Variants in ESRRG observed in about 807,000 individuals in gnomAD.
ESRRG encodes estrogen-related receptor gamma.
A neutral mutation model predicts 44.0 loss-of-function variants in ESRRG; 13 were observed. That is an observed-to-expected ratio of 0.30 (90% CI 0.19 to 0.47). ESRRG has a LOEUF of 0.47. Among genes scored for constraint, ESRRG ranks in the 20% least tolerant of loss-of-function variants. The probability of loss-of-function intolerance (pLI) is 1.00; values close to 1 mark genes in which losing one functional copy is unlikely to be tolerated. For missense variants in ESRRG, 395 were observed against 580.6 expected (o/e 0.68, Z 3.29); for synonymous variants, 215 against 214.6 (o/e 1.00, Z -0.02).
chr1:216,707,960 G>A (rs1226171338), intron 1 of ESRRG, among the ~76,000 whole-genome samples: 1 of 151,988 alleles, frequency 6.6e-6, no homozygotes, highest in Admixed American at 6.6e-5. Context: ...CATAATGGAG[G>A]ATACTTAAAA....
intron 1 of ESRRG, among the ~76,000 whole-genome samples, chr1:216,947,780 T>C (rs572273389): frequency 6.6e-6 from 1 of 152,310 alleles, no homozygotes; most frequent in South Asian, 2.1e-4. Context: ...TAACCAGCAG[T>C]TCCTCTTGCT....
chr1:217,065,005 C>T (rs541963871), intron 1 of ESRRG, among the ~76,000 whole-genome samples: 2 of 152,210 alleles, frequency 1.3e-5, no homozygotes, highest in Non-Finnish European at 2.9e-5. Flanking sequence ...GTGAGAATGC[C>T]ACATTTTCCT....
intron 3 of ESRRG, among the ~76,000 whole-genome samples, chr1:216,601,265 C>T (rs2059204510): frequency 6.6e-6 from 1 of 152,048 alleles, no homozygotes; most frequent in African/African-American, 2.4e-5. Flanking sequence ...GCGCCCACCC[C>T]TGGGCCTCCC....
chr1:216,623,898 T>C (rs747592739), intron 3 of ESRRG, among the ~76,000 whole-genome samples: 4 of 151,938 alleles, frequency 2.6e-5, no homozygotes, highest in Non-Finnish European at 5.9e-5. Flanking sequence ...AGAGCAGATA[T>C]TGATTGCACT....
intron 2 of ESRRG, among the ~76,000 whole-genome samples, chr1:216,765,862 C>CGACATGCT (rs1481258231): frequency 2.0e-5 from 3 of 152,068 alleles, no homozygotes; most frequent in Non-Finnish European, 4.4e-5. Flanking sequence ...TAGCTGAACT[C>CGACATGCT]GACATGCTGA....
intron 2 of ESRRG, chr1:216,862,334 C>G (rs1242742479): frequency 1.3e-5 from 2 of 151,688 alleles, no homozygotes; most frequent in Non-Finnish European, 2.9e-5. Context: ...AAGTGATTCT[C>G]CTACCTCAGC....
intron 1 of ESRRG, among the ~76,000 whole-genome samples, chr1:217,097,079 G>A (rs578236336): frequency 3.9e-5 from 6 of 152,248 alleles, no homozygotes; most frequent in African/African-American, 7.2e-5. Context: ...GCTGGGTGTC[G>A]TGATGTGCAC....
At chr1:217,012,076 G>T (rs574198730) in intron 1 of ESRRG, among the ~76,000 whole-genome samples, 3 of 152,084 alleles carry the variant, frequency 2.0e-5, no homozygotes, top group African/African-American at 7.2e-5. Context: ...AAATATAAAT[G>T]TAAAGTAATA....
At chr1:216,660,269 C>T (rs1043524053) in intron 2 of ESRRG, among the ~76,000 whole-genome samples, 2 of 152,132 alleles carry the variant, frequency 1.3e-5, no homozygotes, top group African/African-American at 2.4e-5. Flanking sequence ...ACTGAGATAT[C>T]CCAACATCCA....
intron 1 of ESRRG, among the ~76,000 whole-genome samples, chr1:216,993,473 C>T (rs910739373): frequency 6.6e-6 from 1 of 152,106 alleles, no homozygotes; most frequent in African/African-American, 2.4e-5. Context: ...AAAGTTATAT[C>T]ATTTGGAGTT....
rs11810977 is a variant in ESRRG at position 216,526,807 on chromosome 1, T to C, written c.863-7386A>G. On this transcript the variant is annotated intron_variant, in intron 5 of 6. Transcript: ENST00000408911. ...CGGTGAGCACCTCAGACAAAATCCA[T>C]GGACTGGGAGTAAATAGACCTAGAA... Among the ~76,000 whole-genome samples, 1,062 of 152,232 alleles carry C rather than the reference T, an allele frequency of 7.0e-3. 6 individuals carry two copies. The highest frequency in any genetic ancestry group is 0.024 in the African/African-American group (1,003 of 41,550).
chr1:216,748,823 C>T (rs188184070), intron 2 of ESRRG, among the ~76,000 whole-genome samples: 2 of 152,102 alleles, frequency 1.3e-5, no homozygotes, highest in African/African-American at 2.4e-5. Flanking sequence ...TTGTCTCCAT[C>T]TAGAAATAAT....
intron 2 of ESRRG, among the ~76,000 whole-genome samples, chr1:216,810,484 G>T (rs910603783): frequency 6.6e-6 from 1 of 151,370 alleles, no homozygotes; most frequent in Non-Finnish European, 1.5e-5. Flanking sequence ...TTAGAGAACA[G>T]CTGGAAAGCC....
In ESRRG at chr1:216,594,446, GC is replaced by G. The variant is rs373140564; in HGVS notation, c.590-26349del. Among the ~76,000 whole-genome samples, 27 of 152,178 alleles carry G rather than the reference GC, an allele frequency of 1.8e-4. No individual in the cohort carries two copies. The East Asian group carries it at 4.5e-3, about 25-fold the overall frequency. On this transcript the variant is annotated intron_variant, in intron 3 of 6. Coordinates refer to ENST00000408911, the MANE Select transcript of ESRRG (RefSeq NM_001438.4). ...ATCTATTTGCTCAGTATTGCCATCA[GC>G]CCTATTGCATGGCCAGGGATCTACT...
chr1:217,035,522 A>G (rs2151070033), intron 1 of ESRRG, among the ~76,000 whole-genome samples: 1 of 152,132 alleles, frequency 6.6e-6, no homozygotes, highest in Non-Finnish European at 1.5e-5. Flanking sequence ...CCCCTAGACA[A>G]TCTTCTCCAC....
At chr1:216,914,092 TC>T (rs971942889) in intron 2 of ESRRG, among the ~76,000 whole-genome samples, 1 of 151,474 alleles carries the variant, frequency 6.6e-6, no homozygotes, top group Non-Finnish European at 1.5e-5. Context: ...TCATATTAGC[TC>T]CCCCTCCCCC....
chr1:216,559,058 C>T (rs1484845910), intron 5 of ESRRG, among the ~76,000 whole-genome samples: 3 of 151,884 alleles, frequency 2.0e-5, no homozygotes, highest in Non-Finnish European at 4.4e-5. Flanking sequence ...TTAGTAGAGA[C>T]GGGGTTTTGC....
rs555409045 is a variant in ESRRG, at chr1:216,563,938, G to A, written c.862+281C>T. Among the ~76,000 whole-genome samples the A allele has an allele frequency of 1.7e-3, 262 of 152,202 alleles. 2 individuals are homozygous for A. The highest frequency in any genetic ancestry group is 6.3e-3 in the African/African-American group (260 of 41,532). Reference sequence around the variant, plus strand: ...GGAAAAAGGTAAGAATTTTGACAAAGGATAAAGAAATGTTTTAAATTTATA... The same window carrying A: ...GGAAAAAGGTAAGAATTTTGACAAAAGATAAAGAAATGTTTTAAATTTATA... On this transcript the variant is annotated intron_variant, in intron 5 of 6. Transcript: ENST00000408911.
chr1:216,911,246 G>A (rs1476944798), intron 2 of ESRRG, among the ~76,000 whole-genome samples: 1 of 152,088 alleles, frequency 6.6e-6, no homozygotes, highest in African/African-American at 2.4e-5. Context: ...TAAGTGAAAG[G>A]ATAAATAAAC....
Sources: gnomAD v4.1 joint callset for allele counts (sites outside exome capture counted in the v4.1 genomes callset) on GRCh38, gnomAD v4.1.1 for gene constraint, MANE v1.5 for transcripts, NCBI Gene and HGNC (gene_info 2026-07-23, HGNC 2026-07-21) for gene names.